The following RAB27A variants were observed in gnomAD, a reference collection of about 807,000 sequenced individuals.
The protein encoded by RAB27A is ras-related protein Rab-27A.
RAB27A carries 17 observed loss-of-function variants against 20.8 expected under a neutral mutation model. The ratio of observed to expected loss-of-function variants is 0.82; its 90% CI spans 0.56 to 1.23. The LOEUF (loss-of-function observed/expected upper bound fraction) is 1.23. Among genes scored for constraint, RAB27A ranks in the 50% most tolerant of loss-of-function variants. The pLI, the probability that RAB27A is intolerant of heterozygous loss-of-function variation, is 0.00. For synonymous variants in RAB27A, 85 were observed against 92.8 expected (o/e 0.92, Z 0.48); for missense variants, 277 against 266.7 (o/e 1.04, Z -0.27).
At chr15:55,307,187 C>G (rs759069820) in intron 2 of RAB27A, among the ~76,000 whole-genome samples, 1 of 151,888 alleles carries the variant, frequency 6.6e-6, no homozygotes, top group Non-Finnish European at 1.5e-5. Context: ...TCCCTCCTCT[C>G]GGGGACAGGC....
At chr15:55,302,928 A>C (rs1363292342) in intron 2 of RAB27A, among the ~76,000 whole-genome samples, 1 of 126,300 alleles carries the variant, frequency 7.9e-6, no homozygotes, top group Non-Finnish European at 1.6e-5. Context: ...CAGCCACCCC[A>C]TCTGGGAAGT....
chr15:55,264,035 T>C (rs1010466486), intron 2 of RAB27A, among the ~76,000 whole-genome samples: 1 of 152,158 alleles, frequency 6.6e-6, no homozygotes, highest in Non-Finnish European at 1.5e-5. Context: ...GGTTATTTTT[T>C]CTGTTTGTTT....
At chr15:55,230,561 T>TCTC (rs1895992563) in intron 3 of RAB27A, 75 bp from the exon 4 acceptor site, 5 of 1,234,332 alleles carry the variant, frequency 4.1e-6, no homozygotes, top group Non-Finnish European at 5.9e-6. Flanking sequence ...TTTTGTTCAG[T>TCTC]ACAAATCCCA....
intron 1 of RAB27A, among the ~76,000 whole-genome samples, chr15:55,275,145 G>A (rs1897828150): frequency 6.6e-6 from 1 of 151,750 alleles, no homozygotes; most frequent in African/African-American, 2.4e-5. Context: ...CCAGCTACTT[G>A]GGAGGATGAG....
chr15:55,251,405 A>C (rs887082531), intron 2 of RAB27A, among the ~76,000 whole-genome samples: 1 of 152,192 alleles, frequency 6.6e-6, no homozygotes, highest in Non-Finnish European at 1.5e-5. Flanking sequence ...AAGGCAACCA[A>C]AGAAGCAGCA....
At chr15:55,247,063 G>A (rs1394460947) in intron 2 of RAB27A, among the ~76,000 whole-genome samples, 1 of 152,150 alleles carries the variant, frequency 6.6e-6, no homozygotes, top group African/African-American at 2.4e-5. Flanking sequence ...CACTGATCCT[G>A]GGGCTTTTTC....
intron 6 of RAB27A, among the ~76,000 whole-genome samples, chr15:55,217,580 G>T (rs887267389): frequency 1.4e-5 from 2 of 141,630 alleles, no homozygotes; most frequent in African/African-American, 5.3e-5. Flanking sequence ...CAGGAGAATC[G>T]CTTGAACCTG....
intron 1 of RAB27A, among the ~76,000 whole-genome samples, chr15:55,274,794 TTATATATATATATATA>T (rs371945954): frequency 4.6e-4 from 24 of 52,152 alleles, no homozygotes; most frequent in African/African-American, 8.7e-4. Flanking sequence ...AATAAATAAA[TTATATATATATATATA>T]TATATATATA....
At chr15:55,316,554 C>A (rs1595758993) in intron 1 of RAB27A, among the ~76,000 whole-genome samples, 1 of 150,778 alleles carries the variant, frequency 6.6e-6, no homozygotes, top group Admixed American at 6.6e-5. Context: ...ATGTTACAAA[C>A]CTGCACGTTC....
At chr15:55,214,230 A>T (rs567552360) in intron 6 of RAB27A, among the ~76,000 whole-genome samples, 4 of 152,028 alleles carry the variant, frequency 2.6e-5, no homozygotes, top group Non-Finnish European at 5.9e-5. Flanking sequence ...AAGTCGGGAG[A>T]TCGAGACCAT....
rs1277512784 is a variant in RAB27A, at chr15:55,230,409, C to T, written c.231G>A (p.Gly77=). 1 of 1,611,208 alleles carries T rather than the reference C, an allele frequency of 6.2e-7. No individual in the cohort carries two copies. The highest frequency in any genetic ancestry group is 8.5e-7 in the Non-Finnish European group (1 of 1,177,358). Reference sequence around the variant, plus strand: ...AACTGAAGATCTCATACCTCTCCTGCCCTGCTGTGTCCCATAACTGCAGGT... The same window carrying T: ...AACTGAAGATCTCATACCTCTCCTGTCCTGCTGTGTCCCATAACTGCAGGT... ...RIHLQLWDTA[G]QERFRSLTTA... The change falls in exon 4 of 7, where the codon GGG becomes GGA. Residue 77 remains glycine (G), a synonymous_variant. Coordinates refer to ENST00000336787, the MANE Select transcript of RAB27A (RefSeq NM_183235.3).
chr15:55,225,333 C>A (rs1010498248), intron 5 of RAB27A, among the ~76,000 whole-genome samples: 1 of 152,196 alleles, frequency 6.6e-6, no homozygotes, highest in Non-Finnish European at 1.5e-5. Context: ...AGTTATTTGA[C>A]TGCCTCAATT....
chr15:55,231,893 A>G (rs1308991646), intron 3 of RAB27A, among the ~76,000 whole-genome samples: 1 of 152,214 alleles, frequency 6.6e-6, no homozygotes, highest in Non-Finnish European at 1.5e-5. Flanking sequence ...AGGGCTAACA[A>G]AAGTCTAACA....
intron 2 of RAB27A, among the ~76,000 whole-genome samples, chr15:55,247,425 A>C (rs1044691425): frequency 6.6e-6 from 1 of 152,178 alleles, no homozygotes; most frequent in African/African-American, 2.4e-5. Context: ...TTCACATTGC[A>C]AAGAGAATTT....
chr15:55,269,535 T>C (rs557205003), intron 2 of RAB27A, among the ~76,000 whole-genome samples: 1 of 152,134 alleles, frequency 6.6e-6, no homozygotes, highest in South Asian at 2.1e-4. Flanking sequence ...TCACTTGAGG[T>C]CAGGAGTTAG....
At chr15:55,263,651 T>C (rs933784302) in intron 2 of RAB27A, among the ~76,000 whole-genome samples, 3 of 152,222 alleles carry the variant, frequency 2.0e-5, no homozygotes, top group Non-Finnish European at 2.9e-5. Context: ...AATTCAACAC[T>C]GTATGTTAAA....
intron 1 of RAB27A, among the ~76,000 whole-genome samples, chr15:55,273,364 G>A (rs572280091): frequency 1.5e-4 from 22 of 149,996 alleles, no homozygotes; most frequent in Non-Finnish European, 2.5e-4. Context: ...AGCCAAGATC[G>A]CGCCACTGCA....
intron 6 of RAB27A, among the ~76,000 whole-genome samples, chr15:55,213,834 T>G (rs1054426669): frequency 2.6e-5 from 4 of 152,222 alleles, no homozygotes; most frequent in Non-Finnish European, 5.9e-5. Context: ...AGCCGTATAA[T>G]TATTTCATTA....
Position 55,260,103 on chromosome 15 carries a change from T to G in RAB27A, c.-23+10062A>C, listed in dbSNP as rs982816692. The G allele has an allele frequency of 2.6e-5, 4 of 152,220 alleles. No individual in the cohort carries two copies. In the East Asian group the frequency reaches 7.7e-4, roughly 29 times the overall value. 9.4% of individuals were successfully genotyped at this position (152,220 alleles called of 1,614,324 possible). Reference sequence around the variant, plus strand: ...AAGTACATGCATATTTCTCCATCTATTTACGTATTTTTAGTGCCTTTAAAA... The same window carrying G: ...AAGTACATGCATATTTCTCCATCTAGTTACGTATTTTTAGTGCCTTTAAAA... On this transcript the variant is annotated intron_variant, in intron 2 of 6. Coordinates refer to ENST00000336787, the MANE Select transcript of RAB27A (RefSeq NM_183235.3).
Sources: allele counts gnomAD v4.1 joint callset (sites outside exome capture counted in the v4.1 genomes callset), GRCh38; gene constraint gnomAD v4.1.1; transcripts MANE v1.5; gene names NCBI Gene and HGNC (gene_info 2026-07-23, HGNC 2026-07-21).